The following CSF1R variants were observed in gnomAD, a reference collection of about 807,000 sequenced individuals.
CSF1R encodes macrophage colony-stimulating factor 1 receptor.
In CSF1R, 40 loss-of-function variants were observed where a neutral mutation model predicts 110.0. The observed-to-expected ratio is 0.36, with a 90% CI of 0.28 to 0.47. The LOEUF (loss-of-function observed/expected upper bound fraction) is 0.47. Among genes scored for constraint, CSF1R ranks in the 20% least tolerant of loss-of-function variants. The pLI is 0.99. For missense variants in CSF1R, 1,052 were observed against 1,253.0 expected, an observed-to-expected ratio of 0.84 and a Z score of 2.42; for synonymous variants, 523 against 503.4, an observed-to-expected ratio of 1.04 and a Z score of -0.52.
rs116954672 is a variant in CSF1R, at chr5:150,101,962, T to C, written c.-181+11299A>G. ...TCTTTCCATATTAGTTCATAGAGATTTACCATATTTTTAAAATTGCTTCAC... is the reference window on the plus strand; with the variant it reads ...TCTTTCCATATTAGTTCATAGAGATCTACCATATTTTTAAAATTGCTTCAC... On this transcript the variant is annotated intron_variant, in intron 1 of 21. Coordinates refer to the CSF1R transcript ENST00000286301. 9.0e-4 allele frequency among the ~76,000 whole-genome samples: 137 copies of C among 152,268 alleles called. 1 individual carries two copies. The East Asian group carries it at 0.024, about 27-fold the overall frequency.
chr5:150,067,043 C>A (rs12521625), intron 10 of CSF1R: 65,113 of 152,816 alleles, frequency 0.43, 15,335 homozygotes, highest in Non-Finnish European at 0.52. Flanking sequence ...AAAAGTCCGT[C>A]CACCTCTGAA....
intron 14 of CSF1R, chr5:150,058,352 G>A (rs888658250): frequency 1.5e-5 from 7 of 456,214 alleles, no homozygotes; most frequent in African/African-American, 1.0e-4. Context: ...GTTCCAGCCA[G>A]ATAGGATTTC....
At chr5:150,061,266 C>T (rs1345106705) in intron 12 of CSF1R, among the ~76,000 whole-genome samples, 2 of 151,568 alleles carry the variant, frequency 1.3e-5, no homozygotes, top group Non-Finnish European at 3.0e-5. Flanking sequence ...TTTTGGAGCT[C>T]AGTCAGGAGC....
rs1758476847 is a variant in CSF1R, at chr5:150,080,299, C to T, written c.345G>A (p.Val115=). ...ARPWNVLAQE[V]VVFEDQDALL... ...GTGCGTCCTGGTCCTCGAACACGACCACCTCCTGTGCTAGCACGTTCCAGG... is the reference window on the plus strand; with the variant it reads ...GTGCGTCCTGGTCCTCGAACACGACTACCTCCTGTGCTAGCACGTTCCAGG... The change falls in exon 3 of 21, where the codon GTG becomes GTA. Residue 115 remains valine, a synonymous_variant. Transcript: ENST00000675795. 6.2e-7 allele frequency: 1 copy of T among 1,613,714 alleles called. No individual in the cohort carries two copies. Among genetic ancestry groups the T allele is most frequent in the African/African-American group, 1.3e-5 (1 of 74,930 alleles).
intron 1 of CSF1R, among the ~76,000 whole-genome samples, chr5:150,105,950 G>A (rs907192591): frequency 2.6e-5 from 4 of 152,212 alleles, no homozygotes; most frequent in Non-Finnish European, 2.9e-5. Flanking sequence ...TTGCCGATGA[G>A]GAAACCAAGG....
At chr5:150,070,090 G>A (rs770771040) in intron 8 of CSF1R, 27 bp from the exon 9 acceptor site, 69 of 1,610,676 alleles carry the variant, frequency 4.3e-5, no homozygotes, top group Middle Eastern at 1.6e-4. Context: ...GTGGCTCAGA[G>A]CTTCAGGGTT....
intron 2 of CSF1R, 31 bp downstream of exon 2, chr5:150,080,736 G>C (rs570515327): frequency 6.2e-7 from 1 of 1,613,242 alleles, no homozygotes; most frequent in African/African-American, 1.3e-5. Flanking sequence ...TGCCGGGTCA[G>C]GCCTCTTGGG....
At chr5:150,082,680 G>A (rs1210631979) in intron 1 of CSF1R, among the ~76,000 whole-genome samples, 1 of 152,192 alleles carries the variant, frequency 6.6e-6, no homozygotes, top group Non-Finnish European at 1.5e-5. Context: ...TTGGATCTTG[G>A]TTCTTCCCTT....
At chr5:150,100,290 C>CTTTTTTTTTTTTTTT (rs752638971) in intron 1 of CSF1R, among the ~76,000 whole-genome samples, 2 of 89,348 alleles carry the variant, frequency 2.2e-5, no homozygotes, top group Non-Finnish European at 4.2e-5. Flanking sequence ...ATTGGCTAAC[C>CTTTTTTTTTTTTTTT]TTTTTTTTTT....
rs57813822 is a variant in CSF1R, at chr5:150,095,763, G to GA, written c.-180-9157dup. 4.9e-3 allele frequency among the ~76,000 whole-genome samples: 600 copies of GA among 121,832 alleles called. 4 individuals carry two copies. The highest frequency in any genetic ancestry group is 0.012 in the Middle Eastern group (3 of 250). The allele number at this position is 121,832 out of a possible 152,430, so 79.9% of individuals were successfully genotyped here. A position where few individuals can be genotyped will look rare whatever the true frequency, so the allele number is the denominator to read the frequency against. On this transcript the variant is annotated intron_variant, in intron 1 of 21. Transcript: ENST00000286301. ...AAAAAAAAGTAATAACATTTACCGAGAAAAAAAAAAAAAAAACAAGAAAAA... is the reference window on the plus strand; with the variant it reads ...AAAAAAAAGTAATAACATTTACCGAGAAAAAAAAAAAAAAAAACAAGAAAAA...
At position 150,061,610 on chromosome 5, in the gene CSF1R, G is replaced by A. The variant is rs1757531836; in HGVS notation, c.1754-15C>T. The stretch of plus-strand genomic sequence containing the variant: ...GAGGGTCTTACCTGCCACGCACACA[G>A]GTCCCTTAAGTCCCTGGGCACCAAA... On this transcript the variant is annotated splice_polypyrimidine_tract_variant and intron_variant, in intron 11 of 20. Transcript: ENST00000675795. The A allele has an allele frequency of 6.2e-7, 1 of 1,614,058 alleles. No individual in the cohort carries two copies. The highest frequency in any genetic ancestry group is 8.5e-7 in the Non-Finnish European group (1 of 1,179,968).
Position 150,073,343 on chromosome 5 carries a change from G to A in CSF1R, c.1040C>T (p.Pro347Leu). 1 of 1,614,010 alleles carries A rather than the reference G, an allele frequency of 6.2e-7. No homozygotes were observed. Residue 347 changes from proline to leucine, a missense_variant, in exon 6 of 21, where the codon CCT (proline) becomes CTT (leucine). Physicochemically the swap from Pro to Leu is moderately conservative, Grantham distance 98. Around this residue, in one of 5 missense-constraint regions of CSF1R, gnomAD observed 693 missense variants for 735.4 expected, o/e 0.94. Coordinates refer to ENST00000675795, the MANE Select transcript of CSF1R (RefSeq NM_001288705.3). ...TYLGPFSDHQ[P>L]EPKLANATTK... is the part of the protein sequence containing the mutation. ...GGTAGCATTAGCAAGCTTGGGCTCAGGCTGGTGGTCAGAAAAGGGTCCCAG... is the reference window on the plus strand; with the variant it reads ...GGTAGCATTAGCAAGCTTGGGCTCAAGCTGGTGGTCAGAAAAGGGTCCCAG...
intron 6 of CSF1R, among the ~76,000 whole-genome samples, chr5:150,072,299 G>A (rs181679845): frequency 6.6e-6 from 1 of 152,174 alleles, no homozygotes; most frequent in African/African-American, 2.4e-5. Flanking sequence ...TTCGAGACCA[G>A]CCTGGCCAAC....
At chr5:150,105,212 G>A (rs1484896933) in intron 1 of CSF1R, among the ~76,000 whole-genome samples, 10 of 148,866 alleles carry the variant, frequency 6.7e-5, no homozygotes, top group Admixed American at 1.3e-4. Context: ...GCCAGGCGTG[G>A]TGGCACGTGG....
At chr5:150,094,328 G>A in intron 1 of CSF1R, 2 of 1,598,374 alleles carry the variant, frequency 1.3e-6, no homozygotes, top group Non-Finnish European at 8.5e-7. Flanking sequence ...AGAAGAAGAA[G>A]GAGGTTCCTG....
intron 6 of CSF1R, among the ~76,000 whole-genome samples, chr5:150,072,879 T>C (rs1287511959): frequency 6.6e-6 from 1 of 152,138 alleles, no homozygotes; most frequent in Non-Finnish European, 1.5e-5. Context: ...AATTCCCTCT[T>C]CCCCTCCCTC....
rs1310272989 is a variant in CSF1R, at chr5:150,061,820, G to T, written c.1656C>A (p.Ile552=). ...AACTGTTGCCCTCATAGCTCTCGAT[G>T]ATCTTCCAGCGGACCTGGTACTTGG... ...QKPKYQVRWK[I]IESYEGNSYT... Residue 552 remains isoleucine, a synonymous_variant, in exon 11 of 21, where the codon ATC becomes ATA. Transcript: ENST00000675795. The T allele has an allele frequency of 6.2e-7, 1 of 1,614,232 alleles. No individual in the cohort carries two copies. The highest frequency in any genetic ancestry group is 1.3e-5 in the African/African-American group (1 of 75,060).
chr5:150,091,820 AAG>A (rs1215630261), intron 1 of CSF1R, among the ~76,000 whole-genome samples: 1 of 150,684 alleles, frequency 6.6e-6, no homozygotes, highest in Admixed American at 6.6e-5. Context: ...AACAAAAACT[AAG>A]AGAATTCATT....
At position 150,079,969 on chromosome 5, in the gene CSF1R, AG is replaced by A. The variant is rs201278187; in HGVS notation, c.592+82del. 1,346 of 1,506,910 alleles carry A rather than the reference AG, an allele frequency of 8.9e-4. 4 individuals are homozygous for A. The Middle Eastern group carries it at 9.3e-3, about 10-fold the overall frequency. 93.3% of individuals were successfully genotyped at this position (1,506,910 alleles called of 1,614,324 possible). A position where few individuals can be genotyped will look rare whatever the true frequency, so the allele number is the denominator to read the frequency against. ...CATCCCACTGCCCCCCATCACACCC[AG>A]TCCCCAGTCACCACCCATGTGGCCG... On this transcript the variant is annotated intron_variant, in intron 3 of 20. Transcript: ENST00000675795.
Sources: allele counts gnomAD v4.1 joint callset (sites outside exome capture counted in the v4.1 genomes callset), GRCh38; gene constraint gnomAD v4.1.1; regional missense constraint gnomAD v4.1.1; transcripts MANE v1.5; gene names NCBI Gene and HGNC (gene_info 2026-07-23, HGNC 2026-07-21).